The following SH3KBP1 variants were observed in gnomAD, a reference collection of about 807,000 sequenced individuals.
SH3KBP1 encodes SH3 domain containing kinase binding protein 1.
SH3KBP1 carries 8 observed loss-of-function variants against 50.1 expected under a neutral mutation model. That is an observed-to-expected ratio of 0.16 (90% CI 0.09 to 0.29). The LOEUF (loss-of-function observed/expected upper bound fraction) is 0.29, where lower values mean the gene tolerates loss of function less well. SH3KBP1 is among the 10% of genes least tolerant of loss of function. The pLI is 1.00. For missense variants in SH3KBP1, 377 were observed against 535.2 expected (o/e 0.70, Z 2.92); for synonymous variants, 227 against 218.6 (o/e 1.04, Z -0.34).
At chrX:19,559,201 G>A (rs1385126038) in intron 13 of SH3KBP1, among the ~76,000 whole-genome samples, 1 of 93,958 alleles carries the variant, frequency 1.1e-5, no homozygotes, top group African/African-American at 4.0e-5. Context: ...GAACCCGGGA[G>A]GTGGAGGTTG....
chrX:19,778,708 C>A (rs1161492391), intron 2 of SH3KBP1, among the ~76,000 whole-genome samples: 1 of 110,803 alleles, frequency 9.0e-6, no homozygotes, highest in Non-Finnish European at 1.9e-5. Context: ...CCATGACTGA[C>A]TTTCCACCTA....
chrX:19,833,242 C>T (rs1377134634), intron 2 of SH3KBP1, among the ~76,000 whole-genome samples: 7 of 105,428 alleles, frequency 6.6e-5, no homozygotes, highest in African/African-American at 2.4e-4. Flanking sequence ...CTTGCCTTCC[C>T]ACATTCTTCC....
chrX:19,559,274 CAAAA>C (rs369794445), intron 13 of SH3KBP1, among the ~76,000 whole-genome samples: 9 of 8,610 alleles, frequency 1.0e-3, no homozygotes, highest in African/African-American at 4.5e-3. Context: ...TCTGTCTCAC[CAAAA>C]AAAAAAAAAA....
chrX:19,692,646 TG>T (rs1216967815), intron 5 of SH3KBP1, among the ~76,000 whole-genome samples: 2 of 93,993 alleles, frequency 2.1e-5, no homozygotes, highest in African/African-American at 8.6e-5. Context: ...TGTGTGTGTG[TG>T]TGTGTGTGTG....
chrX:19,536,752 A>G (rs1190890180), intron 17 of SH3KBP1, among the ~76,000 whole-genome samples: 1 of 112,115 alleles, frequency 8.9e-6, no homozygotes, highest in Non-Finnish European at 1.9e-5. Context: ...AGGGTAGAGC[A>G]GGCGGTCCTA....
chrX:19,745,016 G>A (rs1218805743), intron 3 of SH3KBP1, among the ~76,000 whole-genome samples: 1 of 112,360 alleles, frequency 8.9e-6, no homozygotes, highest in Non-Finnish European at 1.9e-5. Context: ...GCAGGTGGAG[G>A]AATGGGAGGG....
chrX:19,680,517 C>T (rs1268993078), intron 6 of SH3KBP1, among the ~76,000 whole-genome samples: 3 of 111,172 alleles, frequency 2.7e-5, no homozygotes, highest in Non-Finnish European at 5.7e-5. Context: ...GGCCAACTGT[C>T]GCAGCCTGAG....
intron 8 of SH3KBP1, among the ~76,000 whole-genome samples, chrX:19,623,042 CAAAAAAAAAAAAAA>C (rs773914815): frequency 4.5e-5 from 1 of 22,249 alleles, no homozygotes; most frequent in African/African-American, 1.4e-4. Flanking sequence ...CACTCTGACT[CAAAAAAAAAAAAAA>C]AAAAAAAAAA....
chrX:19,823,725 T>C (rs1008944823), intron 2 of SH3KBP1, among the ~76,000 whole-genome samples: 2 of 112,637 alleles, frequency 1.8e-5, no homozygotes, highest in East Asian at 2.7e-4. Context: ...TTGAGGACCA[T>C]TGCTAGAAAT....
intron 2 of SH3KBP1, among the ~76,000 whole-genome samples, chrX:19,756,252 CTATAT>C (rs751733419): frequency 8.1e-5 from 9 of 110,583 alleles, no homozygotes; most frequent in Non-Finnish European, 1.3e-4. Context: ...ATATTACATA[CTATAT>C]TATAATAATG....
At chrX:19,876,081 G>A (rs1400601577) in intron 1 of SH3KBP1, among the ~76,000 whole-genome samples, 1 of 112,344 alleles carries the variant, frequency 8.9e-6, no homozygotes, top group Non-Finnish European at 1.9e-5. Context: ...GGTTAAGGCC[G>A]GGCGTGGTGG....
At chrX:19,771,026 A>T (rs1390928303) in intron 2 of SH3KBP1, among the ~76,000 whole-genome samples, 1 of 111,737 alleles carries the variant, frequency 8.9e-6, no homozygotes, top group Admixed American at 9.5e-5. Context: ...AACATACTGA[A>T]TTTTTAAGGT....
In SH3KBP1 at chrX:19,645,431, T is replaced by C. The variant is rs1400991496; in HGVS notation, c.771A>G (p.Ser257=). The C allele has an allele frequency of 2.5e-6, 3 of 1,206,724 alleles. No individual in the cohort carries two copies. The change falls in exon 7 of 18, where the codon TCA becomes TCG. Residue 257 remains serine (S), a synonymous_variant. Transcript: ENST00000397821. ...TCCTGCTGTCCATTTCTGTTTTTGA[T>C]GAGTCTGGAGTTGCTGTAGTTGCAG... ...KLPATTATPD[S]SKTEMDSRTK...
At chrX:19,565,568 T>C (rs1171397469) in intron 13 of SH3KBP1, among the ~76,000 whole-genome samples, 1 of 111,538 alleles carries the variant, frequency 9.0e-6, no homozygotes, top group Non-Finnish European at 1.9e-5. Context: ...TCACTGCTCT[T>C]ATTTCAACAC....
chrX:19,599,396 T>C (rs1458373539), intron 9 of SH3KBP1, among the ~76,000 whole-genome samples: 3 of 112,494 alleles, frequency 2.7e-5, no homozygotes, highest in Middle Eastern at 4.6e-3. Flanking sequence ...GAGGAAAATG[T>C]TGCACTAACA....
chrX:19,814,192 G>A (rs2067289195), intron 2 of SH3KBP1, among the ~76,000 whole-genome samples: 1 of 110,762 alleles, frequency 9.0e-6, no homozygotes, highest in Admixed American at 9.6e-5. Flanking sequence ...AAATCCCGTT[G>A]GCTGTACTTA....
At chrX:19,844,411 T>C (rs2068307153) in intron 1 of SH3KBP1, among the ~76,000 whole-genome samples, 1 of 112,202 alleles carries the variant, frequency 8.9e-6, no homozygotes, top group Admixed American at 9.4e-5. Context: ...GTTACAAATG[T>C]GAGCCTTGTT....
intron 1 of SH3KBP1, among the ~76,000 whole-genome samples, chrX:19,863,394 A>G (rs972077480): frequency 9.0e-6 from 1 of 111,460 alleles, no homozygotes; most frequent in Non-Finnish European, 1.9e-5. Flanking sequence ...CTGCTTACTA[A>G]CAAGTGTCTG....
chrX:19,823,087 A>G (rs2067572257), intron 2 of SH3KBP1, among the ~76,000 whole-genome samples: 1 of 111,288 alleles, frequency 9.0e-6, no homozygotes, highest in African/African-American at 3.3e-5. Flanking sequence ...CTCCTCTCCA[A>G]GATTTTCCCC....
Sources: allele counts gnomAD v4.1 joint callset (sites outside exome capture counted in the v4.1 genomes callset), GRCh38; gene constraint gnomAD v4.1.1; transcripts MANE v1.5; gene names NCBI Gene and HGNC (gene_info 2026-07-23, HGNC 2026-07-21).